The following DMKN variants were observed in gnomAD, a reference collection of about 807,000 sequenced individuals.
The protein encoded by DMKN is epidermis-specific secreted protein SK30/SK89.
A neutral mutation model predicts 67.6 loss-of-function variants in DMKN; 58 were observed. The ratio of observed to expected loss-of-function variants is 0.86; its 90% CI spans 0.69 to 1.07. The LOEUF is 1.07. Ranked by LOEUF, DMKN falls within the 50% of genes least tolerant of loss-of-function variation. DMKN has a pLI of 0.00. For missense variants in DMKN, 596 were observed against 601.5 expected (o/e 0.99, Z 0.10); for synonymous variants, 240 against 232.3 (o/e 1.03, Z -0.30).
At position 35,504,867 on chromosome 19, in the gene DMKN, C is replaced by A. The variant is rs559804282; in HGVS notation, c.1134+851G>T. Among the ~76,000 whole-genome samples, 888 of 152,016 alleles carry A rather than the reference C, an allele frequency of 5.8e-3. 7 individuals carry two copies. The highest frequency in any genetic ancestry group is 7.1e-3 in the Non-Finnish European group (485 of 67,970). On this transcript the variant is annotated intron_variant, in intron 9 of 15. Transcript: ENST00000339686. Reference sequence around the variant, plus strand: ...CCCCCCCACCCATTCCCAACACCCCCCACCTGGGCCAAGCAGCAGCTGTTT... The same window carrying A: ...CCCCCCCACCCATTCCCAACACCCCACACCTGGGCCAAGCAGCAGCTGTTT...
Position 35,505,581 on chromosome 19 carries a change from C to T in DMKN, c.1134+137G>A. 6 of 1,079,146 alleles carry T rather than the reference C, an allele frequency of 5.6e-6. No homozygotes were observed. The South Asian group carries it at 8.8e-5, about 16-fold the overall frequency. 66.8% of individuals were successfully genotyped at this position (1,079,146 alleles called of 1,614,324 possible). ...TCCTCTGTCCTCCCTCCTCCACCCC[C>T]AGTGTGTTTAGTTTTTGTTTTTAGC... On this transcript the variant is annotated intron_variant, in intron 9 of 15. Coordinates refer to ENST00000339686, the MANE Select transcript of DMKN (RefSeq NM_033317.5).
Position 35,513,065 on chromosome 19 carries a change from G to T in DMKN, c.411C>A (p.Gly137=), listed in dbSNP as rs767384687. ...AVRGSWQGVP[G]HNGAWETSGG... ...AGCCACTCACCCAAGCACCATTGTG[G>T]CCAGGCACCCCCTGCCAGGAGCCGC... The change falls in exon 1 of 16, where the codon GGC becomes GGA. Residue 137 remains glycine (G), a synonymous_variant. Transcript: ENST00000339686. 15 of 1,613,460 alleles carry T rather than the reference G, an allele frequency of 9.3e-6. No homozygotes were observed. Among genetic ancestry groups the T allele is most frequent in the African/African-American group, 1.3e-5 (1 of 74,886 alleles).
chr19:35,511,811 G>A lies in DMKN; in HGVS notation c.687C>T (p.Cys229=), dbSNP rs775400703. Reference sequence around the variant, plus strand: ...CTGAGCCAGATGGTGGGGGATTCGTGCACTGTCGAGGGAAAGGGATGGTGA... The same window carrying A: ...CTGAGCCAGATGGTGGGGGATTCGTACACTGTCGAGGGAAAGGGATGGTGA... ...SVRASNQNEG[C]TNPPPSGSGG... is the part of the protein sequence containing the mutation. Residue 229 remains cysteine, a splice_region_variant and synonymous_variant, in exon 4 of 16, where the codon TGC becomes TGT. Coordinates refer to ENST00000339686, the MANE Select transcript of DMKN (RefSeq NM_033317.5). 43 of 1,612,638 alleles carry A rather than the reference G, an allele frequency of 2.7e-5. No homozygotes were observed. The highest frequency in any genetic ancestry group is 3.6e-5 in the Non-Finnish European group (43 of 1,179,318).
intron 5 of DMKN, 117 bp from the exon 6 acceptor site, chr19:35,510,369 A>G (rs905648274): frequency 1.9e-6 from 3 of 1,552,242 alleles, no homozygotes; most frequent in East Asian, 2.4e-5. Flanking sequence ...CCTCTTTCCA[A>G]CCTCCAGACC....
Position 35,500,301 on chromosome 19 carries a change from A to G in DMKN, c.1287+232T>C, listed in dbSNP as rs939781881. ...GACCTCTGCCAACTCTTCAAGTGTT[A>G]CTTGGGAGGTGAGGGTAGGAGACCA... On this transcript the variant is annotated intron_variant, in intron 12 of 15. Transcript: ENST00000339686. The G allele has an allele frequency of 2.6e-6, 4 of 1,512,530 alleles. No individual in the cohort carries two copies. In the African/African-American group the frequency reaches 5.5e-5, roughly 21 times the overall value. 93.7% of individuals were successfully genotyped at this position (1,512,530 alleles called of 1,614,324 possible).
At chr19:35,512,224 C>T (rs2070964866) in intron 3 of DMKN, among the ~76,000 whole-genome samples, 197 bp downstream of exon 3, 1 of 152,090 alleles carries the variant, frequency 6.6e-6, no homozygotes, top group South Asian at 2.1e-4. Flanking sequence ...TCTTGAACTC[C>T]TGACCTCAGG....
intron 11 of DMKN, among the ~76,000 whole-genome samples, chr19:35,501,600 G>C (rs2068374298): frequency 6.6e-6 from 1 of 152,178 alleles, no homozygotes; most frequent in Non-Finnish European, 1.5e-5. Flanking sequence ...AAGGCTACTG[G>C]CCATGCAGAA....
At chr19:35,498,814 C>T (rs781635477) in intron 14 of DMKN, 51 bp from the exon 15 acceptor site, 1 of 1,614,190 alleles carries the variant, frequency 6.2e-7, no homozygotes, top group Non-Finnish European at 8.5e-7. Context: ...CCCTTCCATA[C>T]CCTCTGGCCT....
intron 13 of DMKN, chr19:35,499,365 T>G (rs1363292676): frequency 5.2e-6 from 1 of 191,910 alleles, no homozygotes. Flanking sequence ...ATACACAGCC[T>G]GCTGTTGCTT....
chr19:35,513,332 G>A lies in DMKN; in HGVS notation c.144C>T (p.Ser48=), dbSNP rs747719255. ...TGCCAATGGCCTTTCCCACCCCTTC[G>A]CTCAGGGCGTCTCCCAGGCCATGTC... ...ALGHGLGDAL[S]EGVGKAIGKE... The change falls in exon 1 of 16, where the codon AGC becomes AGT. Residue 48 remains serine, a synonymous_variant. Coordinates refer to ENST00000339686, the MANE Select transcript of DMKN (RefSeq NM_033317.5). 30 of 1,613,926 alleles carry A rather than the reference G, an allele frequency of 1.9e-5. No homozygotes were observed. Among genetic ancestry groups the A allele is most frequent in the South Asian group, 9.9e-5 (9 of 91,082 alleles).
At position 35,513,302 on chromosome 19, in the gene DMKN, C is replaced by T. The variant is rs115169479; in HGVS notation, c.174G>A (p.Glu58=). 284 of 1,613,952 alleles carry T rather than the reference C, an allele frequency of 1.8e-4. No individual in the cohort carries two copies. In the African/African-American group the frequency reaches 3.6e-3, roughly 20 times the overall value. The change falls in exon 1 of 16, where the codon GAG becomes GAA. Residue 58 remains glutamate (E), a synonymous_variant. Transcript: ENST00000339686. ...CTTTAGAGCCAGCTGCCCCTCCGGC[C>T]TCTTTGCCAATGGCCTTTCCCACCC... ...SEGVGKAIGK[E]AGGAAGSKVS... is the part of the protein sequence containing the mutation.
At position 35,505,747 on chromosome 19, in the gene DMKN, C is replaced by A. The variant is rs758644807; in HGVS notation, c.1105G>T (p.Gly369Cys). 6.2e-7 allele frequency: 1 copy of A among 1,614,058 alleles called. No homozygotes were observed. Among genetic ancestry groups the A allele is most frequent in the African/African-American group, 1.3e-5 (1 of 74,972 alleles). The stretch of plus-strand genomic sequence containing the variant: ...TTTATGGCATCCCAGTTGATGAAAC[C>A]CAGCTTGGATTTAAAATTCTATGGA... Reference protein sequence around the residue: ...TFWKNFKSKLGFINWDAINKN... With the variant: ...TFWKNFKSKLCFINWDAINKN... Residue 369 changes from glycine (G) to cysteine (C), a missense_variant, in exon 9 of 16, where the codon GGT becomes TGT. Transcript: ENST00000339686.
intron 10 of DMKN, 59 bp downstream of exon 10, chr19:35,502,771 C>T: frequency 6.3e-7 from 1 of 1,591,830 alleles, no homozygotes; most frequent in Non-Finnish European, 8.6e-7. Context: ...TTGAGGGAGG[C>T]TTGGGGAGAG....
chr19:35,503,971 C>T (rs1288434360), intron 9 of DMKN, among the ~76,000 whole-genome samples: 1 of 152,164 alleles, frequency 6.6e-6, no homozygotes, highest in African/African-American at 2.4e-5. Context: ...CTGCGTTCCC[C>T]TCTGCTCCCT....
At chr19:35,511,368 G>A (rs2070719536) in intron 5 of DMKN, 43 bp downstream of exon 5, 5 of 1,603,788 alleles carry the variant, frequency 3.1e-6, no homozygotes, top group Non-Finnish European at 4.2e-6. Context: ...GGACCACTAG[G>A]GCCTCACCCC....
chr19:35,511,562 C>A lies in DMKN; in HGVS notation c.767G>T (p.Gly256Val). The change falls in exon 5 of 16, where the codon GGC becomes GTC. Residue 256 changes from glycine (G) to valine (V), a missense_variant. By Grantham distance (109) the Gly-to-Val change is moderately radical. Transcript: ENST00000339686. ...GGSGSQSGSS[G>V]SGSNGDNNNG... ...GTTGTTGTCACCATTGCTGCCACTG[C>A]CACTGCTGCCCGACTGTGAGCCGCT... is the stretch of plus-strand genomic sequence containing the variant. The A allele has an allele frequency of 6.2e-7, 1 of 1,610,414 alleles. No homozygotes were observed. The highest frequency in any genetic ancestry group is 8.5e-7 in the Non-Finnish European group (1 of 1,179,338).
At chr19:35,499,819 G>C in intron 13 of DMKN, 139 bp downstream of exon 13, 1 of 827,876 alleles carries the variant, frequency 1.2e-6, no homozygotes, top group Non-Finnish European at 1.9e-6. Flanking sequence ...CCCTTGCAAA[G>C]GGGTGGGGAG....
rs771139816 is a variant in DMKN at position 35,500,507 on chromosome 19, A to C, written c.1287+26T>G. ...GGCCAAGGGGGACCAAGGGCCCTGCAGGGTAACTTGAGGACAGAGACTCAC... is the reference window on the plus strand; with the variant it reads ...GGCCAAGGGGGACCAAGGGCCCTGCCGGGTAACTTGAGGACAGAGACTCAC... On this transcript the variant is annotated intron_variant, in intron 12 of 15. Transcript: ENST00000339686. 3 of 1,605,676 alleles carry C rather than the reference A, an allele frequency of 1.9e-6. No individual in the cohort carries two copies. The East Asian group carries it at 6.7e-5, about 36-fold the overall frequency.
rs982649378 is a variant in DMKN at position 35,500,732 on chromosome 19, A to C, written c.1240-152T>G. ...CTGGAGGAGCTGATGGCCCAGATAGATAGAAGACAGATATCCACACTCAGC... is the reference window on the plus strand; with the variant it reads ...CTGGAGGAGCTGATGGCCCAGATAGCTAGAAGACAGATATCCACACTCAGC... On this transcript the variant is annotated intron_variant, in intron 11 of 15. Transcript: ENST00000339686. 4 of 859,818 alleles carry C rather than the reference A, an allele frequency of 4.7e-6. No homozygotes were observed. In the East Asian group the frequency reaches 1.1e-4, roughly 23 times the overall value. The allele number at this position is 859,818 out of a possible 1,614,324, so 53.3% of individuals were successfully genotyped here. A position where few individuals can be genotyped will look rare whatever the true frequency, so the allele number is the denominator to read the frequency against.
Sources: gnomAD v4.1 joint callset for allele counts (sites outside exome capture counted in the v4.1 genomes callset) on GRCh38, gnomAD v4.1.1 for gene constraint, MANE v1.5 for transcripts, NCBI Gene and HGNC (gene_info 2026-07-23, HGNC 2026-07-21) for gene names.